RPS6KC1: variants seen among roughly 807,000 people sequenced by gnomAD.
RPS6KC1 encodes ribosomal protein S6 kinase C1, also known as inactive ribosomal protein S6 kinase delta-1.
In RPS6KC1, 54 loss-of-function variants were observed where a neutral mutation model predicts 103.8. That is an observed-to-expected ratio of 0.52 (90% confidence interval 0.42 to 0.65). RPS6KC1 has a LOEUF of 0.65. RPS6KC1 is among the 30% of genes least tolerant of loss of function. RPS6KC1 has a pLI of 0.00. For synonymous variants in RPS6KC1, 439 were observed against 438.7 expected (o/e 1.00, Z -0.01); for missense variants, 1,151 against 1,253.8 (o/e 0.92, Z 1.24).
the RPS6KC1 span, among the ~76,000 whole-genome samples, chr1:213,366,686 C>A: frequency 6.6e-6 from 1 of 152,196 alleles, no homozygotes; most frequent in African/African-American, 2.4e-5. Flanking sequence ...GGGAATGACC[C>A]CTTCGGGTGT....
At chr1:213,385,627 G>A in the RPS6KC1 span, among the ~76,000 whole-genome samples, 2 of 152,194 alleles carry the variant, frequency 1.3e-5, no homozygotes, top group Non-Finnish European at 2.9e-5. Flanking sequence ...GAAGCTGGTG[G>A]CATTATGGAC....
the RPS6KC1 span, among the ~76,000 whole-genome samples, chr1:213,834,159 C>A: frequency 3.3e-5 from 5 of 152,098 alleles, no homozygotes; most frequent in African/African-American, 4.8e-5. Flanking sequence ...CCCACTTCAG[C>A]CTCCCAAGTA....
chr1:213,099,517 G>T (rs1054218418), intron 3 of RPS6KC1, among the ~76,000 whole-genome samples: 1 of 151,970 alleles, frequency 6.6e-6, no homozygotes, highest in Non-Finnish European at 1.5e-5. Context: ...ATTTTGTTTA[G>T]ATAAGTTTAC....
At chr1:213,841,408 C>G in the RPS6KC1 span, 2 of 152,190 alleles carry the variant, frequency 1.3e-5, no homozygotes, top group Non-Finnish European at 2.9e-5. Flanking sequence ...ACAAGAGCAT[C>G]TAGGGACCTG....
rs1394186465 is a variant in RPS6KC1 at position 213,152,698 on chromosome 1, T to C, written c.836-15160T>C. ...AGATGTGATGGCGGCCGGGCAGAGG[T>C]GCTCCTCACTTCCTAGGTGGGATGG... On this transcript the variant is annotated intron_variant, in intron 6 of 14. Transcript: ENST00000366960. Among the ~76,000 whole-genome samples the C allele has an allele frequency of 1.1e-4, 16 of 141,594 alleles. No individual in the cohort carries two copies. The South Asian group carries it at 3.6e-3, about 32-fold the overall frequency. 92.9% of individuals were successfully genotyped at this position (141,594 alleles called of 152,430 possible). A position where few individuals can be genotyped will look rare whatever the true frequency, so the allele number is the denominator to read the frequency against.
At chr1:213,300,874 A>G in the RPS6KC1 span, among the ~76,000 whole-genome samples, 8 of 152,288 alleles carry the variant, frequency 5.3e-5, no homozygotes, top group African/African-American at 1.9e-4. Flanking sequence ...TGATCTAATT[A>G]TGCAAAGAAT....
At chr1:213,602,136 T>TCTCTCTCTC in the RPS6KC1 span, among the ~76,000 whole-genome samples, 2 of 73,458 alleles carry the variant, frequency 2.7e-5, no homozygotes, top group African/African-American at 6.1e-5. Flanking sequence ...CTTTCTTTCT[T>TCTCTCTCTC]TCTTTCTTTC....
intron 8 of RPS6KC1, among the ~76,000 whole-genome samples, chr1:213,217,759 C>T (rs1452373564): frequency 6.6e-6 from 1 of 152,110 alleles, no homozygotes; most frequent in Non-Finnish European, 1.5e-5. Context: ...TAAACAGAAC[C>T]AATGACAAAA....
the RPS6KC1 span, among the ~76,000 whole-genome samples, chr1:213,562,045 T>A: frequency 6.6e-6 from 1 of 152,188 alleles, no homozygotes; most frequent in East Asian, 1.9e-4. Flanking sequence ...ATCTATAAAA[T>A]GCTAGCTGTT....
At chr1:213,712,062 C>G in the RPS6KC1 span, among the ~76,000 whole-genome samples, 1 of 152,224 alleles carries the variant, frequency 6.6e-6, no homozygotes, top group Non-Finnish European at 1.5e-5. Context: ...ATCCACTGCT[C>G]TCTTCAGAGC....
the RPS6KC1 span, among the ~76,000 whole-genome samples, chr1:213,769,027 G>A: frequency 6.6e-6 from 1 of 152,180 alleles, no homozygotes; most frequent in African/African-American, 2.4e-5. Context: ...GCAGGGACCT[G>A]CTTCCTTCTA....
intron 3 of RPS6KC1, among the ~76,000 whole-genome samples, chr1:213,080,393 A>G (rs1000741083): frequency 2.0e-5 from 3 of 152,146 alleles, no homozygotes; most frequent in Non-Finnish European, 2.9e-5. Flanking sequence ...AGATGATTCT[A>G]ATAGCATTTT....
At chr1:213,586,240 G>A in the RPS6KC1 span, among the ~76,000 whole-genome samples, 1 of 152,184 alleles carries the variant, frequency 6.6e-6, no homozygotes, top group Non-Finnish European at 1.5e-5. Flanking sequence ...TCCCCGGGAT[G>A]ACTGATGTCT....
chr1:213,376,858 G>C, the RPS6KC1 span, among the ~76,000 whole-genome samples: 1 of 152,226 alleles, frequency 6.6e-6, no homozygotes, highest in South Asian at 2.1e-4. Flanking sequence ...TTCAGATGAA[G>C]CTGGAGGAAG....
chr1:213,301,019 G>A, the RPS6KC1 span, among the ~76,000 whole-genome samples: 1 of 152,014 alleles, frequency 6.6e-6, no homozygotes, highest in Non-Finnish European at 1.5e-5. Context: ...GCCTTTCTGG[G>A]GCTCTCTACT....
chr1:213,529,640 G>A, the RPS6KC1 span, among the ~76,000 whole-genome samples: 1 of 152,080 alleles, frequency 6.6e-6, no homozygotes, highest in Non-Finnish European at 1.5e-5. Context: ...TCACAGATAG[G>A]GAAATTGAGC....
chr1:213,156,924 T>G (rs901262277), intron 6 of RPS6KC1, among the ~76,000 whole-genome samples: 3 of 152,176 alleles, frequency 2.0e-5, no homozygotes, highest in Non-Finnish European at 2.9e-5. Context: ...ATTTTCTGTT[T>G]CATTTTTTTC....
the RPS6KC1 span, among the ~76,000 whole-genome samples, chr1:213,573,498 T>A: frequency 9.2e-5 from 14 of 152,190 alleles, no homozygotes; most frequent in Non-Finnish European, 1.3e-4. Context: ...AAGTCACATG[T>A]GATCTGCACT....
At chr1:213,118,636 G>A (rs893096427) in intron 5 of RPS6KC1, among the ~76,000 whole-genome samples, 2 of 151,878 alleles carry the variant, frequency 1.3e-5, no homozygotes, top group African/African-American at 4.8e-5. Flanking sequence ...TATGTGGGCT[G>A]GTGCACTTAA....
Sources: gnomAD v4.1 joint callset for allele counts (sites outside exome capture counted in the v4.1 genomes callset) on GRCh38, gnomAD v4.1.1 for gene constraint, MANE v1.5 for transcripts, NCBI Gene and HGNC (gene_info 2026-07-23, HGNC 2026-07-21) for gene names.